MYO1B: variants seen among roughly 807,000 people sequenced by gnomAD.
MYO1B encodes unconventional myosin-Ib.
Under a neutral mutation model 159.7 loss-of-function variants are expected in MYO1B, and 72 were observed. The ratio of observed to expected loss-of-function variants is 0.45; its 90% confidence interval spans 0.37 to 0.55. MYO1B has a LOEUF of 0.55. MYO1B is among the 20% of genes least tolerant of loss of function. MYO1B has a pLI of 0.00. For missense variants in MYO1B, 1,062 were observed against 1,364.8 expected, an observed-to-expected ratio of 0.78 and a Z score of 3.50; for synonymous variants, 468 against 473.8, an observed-to-expected ratio of 0.99 and a Z score of 0.16.
intron 1 of MYO1B, among the ~76,000 whole-genome samples, chr2:191,250,247 A>C (rs1002903339): frequency 7.2e-5 from 11 of 152,254 alleles, no homozygotes; most frequent in African/African-American, 2.7e-4. Flanking sequence ...CAGAAGCAAG[A>C]GAGTGGAAGA....
chr2:191,330,152 A>AG (rs2125918061), intron 4 of MYO1B, 123 bp downstream of exon 4: 1 of 717,380 alleles, frequency 1.4e-6, no homozygotes, highest in African/African-American at 1.8e-5. Flanking sequence ...GTGCTTCTGC[A>AG]GGAGGATACT....
intron 5 of MYO1B, among the ~76,000 whole-genome samples, chr2:191,343,798 G>A (rs1043548153): frequency 2.0e-5 from 3 of 152,188 alleles, no homozygotes; most frequent in South Asian, 4.1e-4. Context: ...AATGTCTACT[G>A]TGGGCATGCA....
chr2:191,301,276 C>T (rs1040347872), intron 3 of MYO1B, among the ~76,000 whole-genome samples: 11 of 142,848 alleles, frequency 7.7e-5, no homozygotes, highest in African/African-American at 1.3e-4. Flanking sequence ...ATTTCAGAAA[C>T]ATTTCAGAAA....
At position 191,372,879 on chromosome 2, in the gene MYO1B, CTTTTTTTTT is replaced by C. The variant is rs34444520; in HGVS notation, c.1185+2605_1185+2613del. 1.1e-3 allele frequency among the ~76,000 whole-genome samples: 74 copies of C among 70,158 alleles called. No homozygotes were observed. In the East Asian group the frequency reaches 0.032, roughly 31 times the overall value. The allele number at this position is 70,158 out of a possible 152,430, so 46.0% of individuals were successfully genotyped here. ...TATGAAAATGCCTGCGTTATATTTC[CTTTTTTTTT>C]TTTTTTTTTTTTTTTTTGTGACGGA... is the stretch of plus-strand genomic sequence containing the variant. On this transcript the variant is annotated intron_variant, in intron 13 of 30. Coordinates refer to ENST00000392318, the MANE Select transcript of MYO1B (RefSeq NM_001130158.3).
At chr2:191,411,693 C>G (rs899684673) in intron 27 of MYO1B, among the ~76,000 whole-genome samples, 1 of 152,210 alleles carries the variant, frequency 6.6e-6, no homozygotes, top group African/African-American at 2.4e-5. Context: ...GATATGACTT[C>G]TGTGGCCTGT....
intron 15 of MYO1B, among the ~76,000 whole-genome samples, chr2:191,385,022 A>G (rs1166915897): frequency 1.3e-5 from 2 of 152,174 alleles, no homozygotes; most frequent in Non-Finnish European, 2.9e-5. Flanking sequence ...AGAAGGGGAG[A>G]GGAACAGAGG....
chr2:191,247,936 T>C, intron 1 of MYO1B: 1 of 985,412 alleles, frequency 1.0e-6, no homozygotes, highest in African/African-American at 1.7e-5. Flanking sequence ...AAAGACTAAC[T>C]TACCCTGATT....
At chr2:191,294,498 A>T (rs1688865610) in intron 2 of MYO1B, among the ~76,000 whole-genome samples, 1 of 152,226 alleles carries the variant, frequency 6.6e-6, no homozygotes, top group South Asian at 2.1e-4. Context: ...CTATTCAGAC[A>T]AGTATTCAGT....
chr2:191,300,474 G>A (rs1036866864), intron 3 of MYO1B, among the ~76,000 whole-genome samples: 2 of 151,460 alleles, frequency 1.3e-5, no homozygotes, highest in Admixed American at 6.6e-5. Flanking sequence ...CTCCCAAGTA[G>A]CTGGGACTAC....
intron 3 of MYO1B, among the ~76,000 whole-genome samples, chr2:191,329,646 A>T (rs1194259969): frequency 6.8e-6 from 1 of 147,782 alleles, no homozygotes; most frequent in Non-Finnish European, 1.5e-5. Flanking sequence ...ATTTATATAA[A>T]TTATTTATTT....
chr2:191,245,416 G>C lies in MYO1B; in HGVS notation c.-220G>C, dbSNP rs1685717252. On this transcript the variant is annotated 5_prime_UTR_variant, in exon 1 of 31. Transcript: ENST00000392318. Reference sequence around the variant, plus strand: ...TCCCGCCGCCGCTGAGCACTCCGCAGCTGGGTGCGCACGGGAGCCTCAACC... The same window carrying C: ...TCCCGCCGCCGCTGAGCACTCCGCACCTGGGTGCGCACGGGAGCCTCAACC... The C allele has an allele frequency of 6.6e-6, 1 of 152,022 alleles. No homozygotes were observed. The highest frequency in any genetic ancestry group is 2.1e-4 in the South Asian group (1 of 4,834). The allele number at this position is 152,022 out of a possible 1,614,324, so 9.4% of individuals were successfully genotyped here. A position where few individuals can be genotyped will look rare whatever the true frequency, so the allele number is the denominator to read the frequency against.
chr2:191,277,028 T>C lies in MYO1B; in HGVS notation c.133T>C (p.Tyr45His). 2 of 1,612,766 alleles carry C rather than the reference T, an allele frequency of 1.2e-6. No homozygotes were observed. Among genetic ancestry groups the C allele is most frequent in the South Asian group, 1.1e-5 (1 of 90,816 alleles). Residue 45 changes from tyrosine to histidine, a missense_variant and splice_region_variant, in exon 2 of 31, where the codon TAC becomes CAC. This residue lies in a region of MYO1B where 415 missense variants were observed against 544.0 expected (regional missense o/e 0.76). Transcript: ENST00000392318. The part of the protein sequence containing the change: ...LKKRFDHSEI[Y>H]TYIGSVVISV... ...GAAGCGCTTTGACCACAGTGAAATA[T>C]ACGTAAGTACACACGAAGGTCATCT... is the stretch of plus-strand genomic sequence containing the variant.
intron 13 of MYO1B, among the ~76,000 whole-genome samples, chr2:191,374,672 A>C (rs1409268970): frequency 6.6e-6 from 1 of 152,230 alleles, no homozygotes; most frequent in East Asian, 1.9e-4. Flanking sequence ...AGTTTGGAAA[A>C]TAGATCAGTA....
intron 7 of MYO1B, among the ~76,000 whole-genome samples, chr2:191,356,995 AC>A (rs1242583495): frequency 6.6e-6 from 1 of 152,166 alleles, no homozygotes; most frequent in African/African-American, 2.4e-5. Flanking sequence ...TGTCTTTCTC[AC>A]CTCACAAGAC....
Position 191,390,204 on chromosome 2 carries a change from A to C in MYO1B, c.1782-88A>C, listed in dbSNP as rs188091688. The C allele has an allele frequency of 1.5e-3, 1,783 of 1,207,080 alleles. 4 individuals carry two copies. The highest frequency in any genetic ancestry group is 6.3e-3 in the Middle Eastern group (31 of 4,944). The allele number at this position is 1,207,080 out of a possible 1,614,324, so 74.8% of individuals were successfully genotyped here. ...AGAATAACATAATTGTTTTGCTATGAAACAGTTATATATAATACTTTGTGA... is the reference window on the plus strand; with the variant it reads ...AGAATAACATAATTGTTTTGCTATGCAACAGTTATATATAATACTTTGTGA... On this transcript the variant is annotated intron_variant, in intron 17 of 30. Coordinates refer to ENST00000392318, the MANE Select transcript of MYO1B (RefSeq NM_001130158.3).
At position 191,250,889 on chromosome 2, in the gene MYO1B, T is replaced by C. The variant is rs1686070525; in HGVS notation, c.-10+5263T>C. Among the ~76,000 whole-genome samples the C allele has an allele frequency of 2.0e-5, 3 of 152,190 alleles. No individual in the cohort carries two copies. In the South Asian group the frequency reaches 6.2e-4, roughly 32 times the overall value. On this transcript the variant is annotated intron_variant, in intron 1 of 30. Transcript: ENST00000392318. ...ACTTTGATTCTTTGGGTGAGTACTT[T>C]GATGCTTTGGTCACTTTTAAGGAGT...
At position 191,408,031 on chromosome 2, in the gene MYO1B, T is replaced by C. The variant is rs562674789; in HGVS notation, c.2557-84T>C. 2.1e-5 allele frequency: 18 copies of C among 842,812 alleles called. No homozygotes were observed. In the African/African-American group the frequency reaches 3.1e-4, roughly 14 times the overall value. 52.2% of individuals were successfully genotyped at this position (842,812 alleles called of 1,614,324 possible). ...ACTTATAAACTGACTTGTTTGACAT[T>C]TTTTCATTTTTAATAGAGGTGTATC... On this transcript the variant is annotated intron_variant, in intron 24 of 30. Coordinates refer to ENST00000392318, the MANE Select transcript of MYO1B (RefSeq NM_001130158.3).
intron 13 of MYO1B, among the ~76,000 whole-genome samples, chr2:191,373,571 C>G (rs1370704859): frequency 6.6e-6 from 1 of 152,166 alleles, no homozygotes; most frequent in Non-Finnish European, 1.5e-5. Context: ...GTCAGGAGAT[C>G]GAGATCATCC....
chr2:191,404,564 A>G (rs1350294272), intron 24 of MYO1B, among the ~76,000 whole-genome samples: 1 of 152,230 alleles, frequency 6.6e-6, no homozygotes, highest in East Asian at 1.9e-4. Context: ...AAGACAGATG[A>G]TAATCAGTAA....
Sources: allele counts gnomAD v4.1 joint callset (sites outside exome capture counted in the v4.1 genomes callset), GRCh38; gene constraint gnomAD v4.1.1; regional missense constraint gnomAD v4.1.1; transcripts MANE v1.5; gene names NCBI Gene and HGNC (gene_info 2026-07-23, HGNC 2026-07-21).